Variants in NLGN1 observed in about 807,000 individuals in gnomAD.
NLGN1 encodes the protein neuroligin 1.
A neutral mutation model predicts 65.5 loss-of-function variants in NLGN1; 12 were observed. That is an observed-to-expected ratio of 0.18 (90% confidence interval 0.12 to 0.30). NLGN1 has a LOEUF of 0.30. Among genes scored for constraint, NLGN1 ranks in the 10% least tolerant of loss-of-function variants. NLGN1 has a pLI of 1.00. For synonymous variants in NLGN1, 350 were observed against 359.5 expected, an observed-to-expected ratio of 0.97 and a Z score of 0.30; for missense variants, 750 against 1,007.1, an observed-to-expected ratio of 0.74 and a Z score of 3.46.
intron 3 of NLGN1, among the ~76,000 whole-genome samples, chr3:173,659,226 G>C (rs1255231460): frequency 1.3e-5 from 2 of 152,076 alleles, no homozygotes; most frequent in Middle Eastern, 3.4e-3. Context: ...AGTTTAGGAA[G>C]GTGTCAAATT....
At chr3:173,866,871 T>C (rs1730279762) in intron 4 of NLGN1, among the ~76,000 whole-genome samples, 1 of 152,130 alleles carries the variant, frequency 6.6e-6, no homozygotes, top group South Asian at 2.1e-4. Context: ...GGGTTGAAAT[T>C]GTTCCACAAA....
intron 4 of NLGN1, among the ~76,000 whole-genome samples, chr3:173,867,859 G>A (rs1730477415): frequency 6.6e-6 from 1 of 152,108 alleles, no homozygotes; most frequent in East Asian, 1.9e-4. Flanking sequence ...TTTTCAGAGT[G>A]AGGTAGGCCA....
At chr3:174,108,134 A>T (rs147390325) in intron 4 of NLGN1, among the ~76,000 whole-genome samples, 156 of 152,210 alleles carry the variant, frequency 1.0e-3, no homozygotes, top group Non-Finnish European at 1.7e-3. Context: ...GCAATTTTTT[A>T]AAATTTTGAT....
At chr3:173,672,880 A>G (rs1275172518) in intron 3 of NLGN1, among the ~76,000 whole-genome samples, 1 of 152,192 alleles carries the variant, frequency 6.6e-6, no homozygotes, top group African/African-American at 2.4e-5. Context: ...CATTACTCAA[A>G]AATTAGGGAA....
intron 4 of NLGN1, among the ~76,000 whole-genome samples, chr3:173,895,794 G>A (rs543211900): frequency 4.6e-5 from 7 of 151,830 alleles, no homozygotes; most frequent in Non-Finnish European, 7.4e-5. Context: ...GGGTTCAAGC[G>A]ATTCTCCTGT....
chr3:173,846,747 A>G (rs572019859), intron 4 of NLGN1, among the ~76,000 whole-genome samples: 1 of 152,334 alleles, frequency 6.6e-6, no homozygotes, highest in African/African-American at 2.4e-5. Flanking sequence ...GGTAAAATGA[A>G]TTATGCATGC....
At chr3:173,721,136 G>T (rs558333288) in intron 3 of NLGN1, among the ~76,000 whole-genome samples, 1 of 152,296 alleles carries the variant, frequency 6.6e-6, no homozygotes, top group African/African-American at 2.4e-5. Flanking sequence ...GAAAGAAGCT[G>T]CAAGCCTCAA....
At chr3:174,243,303 G>T (rs994193622) in intron 4 of NLGN1, among the ~76,000 whole-genome samples, 2 of 152,062 alleles carry the variant, frequency 1.3e-5, no homozygotes, top group Non-Finnish European at 2.9e-5. Flanking sequence ...CCAGATCCAG[G>T]GCTCACAAAA....
intron 2 of NLGN1, among the ~76,000 whole-genome samples, chr3:173,594,828 AC>A (rs1159973827): frequency 6.6e-6 from 1 of 152,210 alleles, no homozygotes; most frequent in Non-Finnish European, 1.5e-5. Context: ...CAGGCTGAAC[AC>A]CACATGAAAG....
At chr3:173,822,959 A>G (rs1355718226) in intron 4 of NLGN1, among the ~76,000 whole-genome samples, 1 of 152,038 alleles carries the variant, frequency 6.6e-6, no homozygotes, top group Non-Finnish European at 1.5e-5. Context: ...TTTTTTGGAA[A>G]TAGAATTAAA....
At chr3:174,109,207 T>G (rs1243572108) in intron 4 of NLGN1, among the ~76,000 whole-genome samples, 1 of 152,014 alleles carries the variant, frequency 6.6e-6, no homozygotes, top group African/African-American at 2.4e-5. Context: ...GCCTTCTAAT[T>G]ATTTTAAAGT....
intron 2 of NLGN1, among the ~76,000 whole-genome samples, chr3:173,456,278 G>C (rs1432170551): frequency 6.6e-6 from 1 of 152,128 alleles, no homozygotes; most frequent in Non-Finnish European, 1.5e-5. Context: ...ACAGTGACAA[G>C]ACAGGAGGTG....
At chr3:173,785,674 T>TAA (rs1560366922) in intron 3 of NLGN1, among the ~76,000 whole-genome samples, 1 of 150,674 alleles carries the variant, frequency 6.6e-6, no homozygotes, top group African/African-American at 2.4e-5. Flanking sequence ...ATAGTTGAGT[T>TAA]TATATATATA....
At chr3:174,210,797 A>G (rs1445986314) in intron 4 of NLGN1, among the ~76,000 whole-genome samples, 2 of 152,230 alleles carry the variant, frequency 1.3e-5, no homozygotes, top group African/African-American at 4.8e-5. Context: ...CAAATCTTCT[A>G]TATGAGGGTG....
intron 4 of NLGN1, among the ~76,000 whole-genome samples, chr3:174,067,532 C>G (rs1334593646): frequency 6.6e-6 from 1 of 152,054 alleles, no homozygotes. Flanking sequence ...GTTACTGAGT[C>G]AGATGAAGTC....
chr3:174,226,717 A>G (rs989824275), intron 4 of NLGN1, among the ~76,000 whole-genome samples: 10 of 152,186 alleles, frequency 6.6e-5, no homozygotes, highest in Non-Finnish European at 1.3e-4. Flanking sequence ...AAAAAGGGTT[A>G]TATACCATCC....
chr3:173,950,877 A>G (rs1055833177), intron 4 of NLGN1, among the ~76,000 whole-genome samples: 2 of 151,168 alleles, frequency 1.3e-5, no homozygotes, highest in Non-Finnish European at 2.9e-5. Context: ...TTATTTGTTT[A>G]TTTATTTGAG....
chr3:173,711,857 A>C (rs1053355234), intron 3 of NLGN1, among the ~76,000 whole-genome samples: 1 of 152,124 alleles, frequency 6.6e-6, no homozygotes, highest in African/African-American at 2.4e-5. Flanking sequence ...CTCCCGACAC[A>C]CTCAGCAACA....
chr3:173,867,439 T>C (rs1214096313), intron 4 of NLGN1, among the ~76,000 whole-genome samples: 1 of 152,142 alleles, frequency 6.6e-6, no homozygotes, highest in East Asian at 1.9e-4. Flanking sequence ...ATAATACGGT[T>C]CTGACTTTTA....
Sources: gnomAD v4.1 joint callset for allele counts (sites outside exome capture counted in the v4.1 genomes callset) on GRCh38, gnomAD v4.1.1 for gene constraint, MANE v1.5 for transcripts, NCBI Gene and HGNC (gene_info 2026-07-23, HGNC 2026-07-21) for gene names.